The following NOS1AP variants were observed in gnomAD, a reference collection of about 807,000 sequenced individuals.
The protein encoded by NOS1AP is nitric oxide synthase 1 adaptor protein, also known as carboxyl-terminal PDZ ligand of neuronal nitric oxide synthase protein.
A neutral mutation model predicts 56.2 loss-of-function variants in NOS1AP; 21 were observed. The observed-to-expected ratio is 0.37, with a 90% CI of 0.26 to 0.54. The LOEUF (loss-of-function observed/expected upper bound fraction) is 0.54, where lower values mean the gene tolerates loss of function less well. Among genes scored for constraint, NOS1AP ranks in the 20% least tolerant of loss-of-function variants. The pLI is 0.84. For missense variants in NOS1AP, 522 were observed against 657.8 expected (o/e 0.79, Z 2.26); for synonymous variants, 270 against 274.6 (o/e 0.98, Z 0.17).
At chr1:162,291,624 G>A (rs559012682) in intron 3 of NOS1AP, among the ~76,000 whole-genome samples, 2 of 152,242 alleles carry the variant, frequency 1.3e-5, no homozygotes, top group South Asian at 4.2e-4. Flanking sequence ...TGTAGGCAGT[G>A]GCCAAATATA....
chr1:162,237,867 T>TTTTCAGAGA (rs60540649), intron 2 of NOS1AP, among the ~76,000 whole-genome samples: 100,280 of 151,348 alleles, frequency 0.66, 35,379 homozygotes, highest in Non-Finnish European at 0.78. Flanking sequence ...ATGGAAGTCA[T>TTTTCAGAGA]TTTCAGAGAG....
At chr1:162,363,708 G>T (rs981783902) in intron 8 of NOS1AP, 3 of 789,842 alleles carry the variant, frequency 3.8e-6, no homozygotes, top group Middle Eastern at 6.5e-4. Context: ...AGATCTCAAG[G>T]GTTTGGGGAG....
intron 1 of NOS1AP, among the ~76,000 whole-genome samples, chr1:162,088,070 A>C (rs1692043070): frequency 6.6e-6 from 1 of 152,146 alleles, no homozygotes; most frequent in South Asian, 2.1e-4. Flanking sequence ...ATAGGGTCAA[A>C]TTCTGCGGAA....
At chr1:162,297,814 A>G (rs1655519058) in intron 3 of NOS1AP, among the ~76,000 whole-genome samples, 1 of 152,196 alleles carries the variant, frequency 6.6e-6, no homozygotes, top group South Asian at 2.1e-4. Flanking sequence ...AAAACCCTAG[A>G]CATTTTATAT....
intron 2 of NOS1AP, among the ~76,000 whole-genome samples, chr1:162,160,537 T>G (rs1431275533): frequency 6.6e-6 from 1 of 152,198 alleles, no homozygotes; most frequent in Non-Finnish European, 1.5e-5. Flanking sequence ...TTGTGTTTCC[T>G]TACCCACCAG....
intron 2 of NOS1AP, among the ~76,000 whole-genome samples, chr1:162,282,222 A>T (rs893407804): frequency 6.6e-6 from 1 of 152,198 alleles, no homozygotes; most frequent in African/African-American, 2.4e-5. Context: ...TCTTGCAAAG[A>T]TGAAACTCTG....
chr1:162,313,230 T>C (rs1336941129), intron 4 of NOS1AP, among the ~76,000 whole-genome samples: 5 of 152,158 alleles, frequency 3.3e-5, no homozygotes, highest in South Asian at 4.1e-4. Flanking sequence ...TCCATGATAG[T>C]TTTTAGATAA....
At chr1:162,167,085 C>T (rs1178595517) in intron 2 of NOS1AP, among the ~76,000 whole-genome samples, 1 of 152,190 alleles carries the variant, frequency 6.6e-6, no homozygotes, top group Non-Finnish European at 1.5e-5. Context: ...CTGTTCCTTA[C>T]TCTCTCTTCC....
intron 2 of NOS1AP, among the ~76,000 whole-genome samples, chr1:162,205,828 T>C (rs547922719): frequency 1.3e-5 from 2 of 151,966 alleles, no homozygotes; most frequent in Non-Finnish European, 2.9e-5. Flanking sequence ...GCTTTTGGGG[T>C]TTTTAGTGGC....
intron 1 of NOS1AP, among the ~76,000 whole-genome samples, chr1:162,130,198 A>T (rs561534918): frequency 3.3e-5 from 5 of 152,374 alleles, no homozygotes; most frequent in South Asian, 2.1e-4. Flanking sequence ...CAATAGCCCT[A>T]TAAGGAAGAT....
intron 4 of NOS1AP, among the ~76,000 whole-genome samples, chr1:162,320,583 C>T (rs1020579226): frequency 4.6e-4 from 70 of 152,114 alleles, no homozygotes; most frequent in African/African-American, 1.6e-3. Context: ...GAGCCGGGAG[C>T]GGTGGCTCAC....
intron 2 of NOS1AP, among the ~76,000 whole-genome samples, chr1:162,253,399 A>G (rs1052383337): frequency 2.0e-5 from 3 of 152,202 alleles, no homozygotes; most frequent in Admixed American, 2.0e-4. Context: ...TGAGCCTTCA[A>G]GTTAAGTCTG....
At chr1:162,323,650 A>G (rs1041634425) in intron 4 of NOS1AP, among the ~76,000 whole-genome samples, 10 of 152,246 alleles carry the variant, frequency 6.6e-5, no homozygotes, top group Non-Finnish European at 1.2e-4. Context: ...TCAATTTAGT[A>G]AAGATTTTTT....
chr1:162,334,873 A>G (rs986390852), intron 5 of NOS1AP, among the ~76,000 whole-genome samples: 4 of 152,216 alleles, frequency 2.6e-5, no homozygotes, highest in Non-Finnish European at 5.9e-5. Context: ...GTTCTCATGA[A>G]TAGGCACTGG....
chr1:162,145,007 C>A (rs1190875241), intron 1 of NOS1AP, among the ~76,000 whole-genome samples: 1 of 152,196 alleles, frequency 6.6e-6, no homozygotes, highest in Non-Finnish European at 1.5e-5. Context: ...TTGCACCCAG[C>A]CCCTTAATGT....
intron 3 of NOS1AP, among the ~76,000 whole-genome samples, chr1:162,294,181 A>C (rs763791147): frequency 3.3e-5 from 1 of 30,660 alleles, no homozygotes; most frequent in Non-Finnish European, 1.2e-4. Context: ...GGTAGGAAGG[A>C]AGGAAGGAAG....
intron 1 of NOS1AP, among the ~76,000 whole-genome samples, chr1:162,072,367 T>C (rs558719497): frequency 6.6e-6 from 1 of 152,228 alleles, no homozygotes; most frequent in African/African-American, 2.4e-5. Context: ...TCCAATTTGC[T>C]GGATCTTACT....
chr1:162,305,372 A>T (rs1655791557), intron 4 of NOS1AP, among the ~76,000 whole-genome samples: 1 of 150,272 alleles, frequency 6.7e-6, no homozygotes, highest in Non-Finnish European at 1.5e-5. Flanking sequence ...GTGGACATCT[A>T]AACCAATTCC....
intron 4 of NOS1AP, among the ~76,000 whole-genome samples, chr1:162,317,565 GA>G (rs1656270413): frequency 6.6e-6 from 1 of 152,158 alleles, no homozygotes. Flanking sequence ...AAATGTAAAA[GA>G]GAGACTGCAA....
Sources: allele counts gnomAD v4.1 joint callset (sites outside exome capture counted in the v4.1 genomes callset), GRCh38; gene constraint gnomAD v4.1.1; transcripts MANE v1.5; gene names NCBI Gene and HGNC (gene_info 2026-07-23, HGNC 2026-07-21).